RINT1: variants seen among roughly 807,000 people sequenced by gnomAD.
The protein encoded by RINT1 is RAD50 interactor 1, also known as RAD50-interacting protein 1.
A neutral mutation model predicts 97.7 loss-of-function variants in RINT1; 75 were observed. The ratio of observed to expected loss-of-function variants is 0.77; its 90% CI spans 0.64 to 0.93. The LOEUF is 0.93. Among genes scored for constraint, RINT1 ranks in the 40% least tolerant of loss-of-function variants. The pLI is 0.00. For synonymous variants in RINT1, 303 were observed against 326.3 expected, an observed-to-expected ratio of 0.93 and a Z score of 0.77; for missense variants, 892 against 925.2, an observed-to-expected ratio of 0.96 and a Z score of 0.47.
At chr7:105,555,412 C>T (rs1051712950) in intron 11 of RINT1, 185 bp downstream of exon 11, 8 of 470,988 alleles carry the variant, frequency 1.7e-5, no homozygotes, top group Non-Finnish European at 3.0e-5. Flanking sequence ...GTTAAATAGT[C>T]CTGATATTTT....
intron 14 of RINT1, among the ~76,000 whole-genome samples, chr7:105,566,114 C>G (rs1376798947): frequency 4.7e-5 from 1 of 21,316 alleles, no homozygotes; most frequent in Non-Finnish European, 1.2e-4. Context: ...ACTAAAAATA[C>G]CAAAAAAAAA....
intron 12 of RINT1, among the ~76,000 whole-genome samples, chr7:105,564,230 G>A (rs1562860712): frequency 6.6e-6 from 1 of 152,064 alleles, no homozygotes; most frequent in African/African-American, 2.4e-5. Flanking sequence ...CAGGACTACA[G>A]GCATGCACCA....
At chr7:105,545,262 G>A (rs1036617789) in intron 4 of RINT1, among the ~76,000 whole-genome samples, 4 of 151,132 alleles carry the variant, frequency 2.6e-5, no homozygotes, top group Non-Finnish European at 5.9e-5. Context: ...ACCAGTCTGG[G>A]CAACATGGCA....
intron 6 of RINT1, 115 bp from the exon 7 acceptor site, chr7:105,548,439 C>T (rs954564655): frequency 1.2e-6 from 1 of 854,884 alleles, no homozygotes; most frequent in African/African-American, 1.7e-5. Context: ...TCATAATTAA[C>T]TCTACTGAGT....
intron 4 of RINT1, among the ~76,000 whole-genome samples, chr7:105,542,856 T>C (rs568061942): frequency 6.6e-6 from 1 of 152,090 alleles, no homozygotes; most frequent in African/African-American, 2.4e-5. Context: ...AATTAGCATT[T>C]GAAAGAAGGT....
At chr7:105,554,433 T>C (rs911039333) in intron 10 of RINT1, among the ~76,000 whole-genome samples, 1 of 151,138 alleles carries the variant, frequency 6.6e-6, no homozygotes, top group Non-Finnish European at 1.5e-5. Flanking sequence ...TGTCATTTTT[T>C]TTTCTTTCTT....
intron 3 of RINT1, among the ~76,000 whole-genome samples, chr7:105,539,949 T>A (rs935684002): frequency 6.6e-6 from 1 of 152,244 alleles, no homozygotes; most frequent in Non-Finnish European, 1.5e-5. Flanking sequence ...CAGTGCCTGG[T>A]ACAGAATAAG....
chr7:105,554,955 C>T, intron 10 of RINT1, 73 bp from the exon 11 acceptor site: 1 of 1,145,818 alleles, frequency 8.7e-7, no homozygotes, highest in Non-Finnish European at 1.3e-6. Flanking sequence ...TGAAGCAGGA[C>T]AGTAGGGAAA....
intron 4 of RINT1, among the ~76,000 whole-genome samples, chr7:105,545,193 G>T (rs921051980): frequency 6.6e-6 from 1 of 151,860 alleles, no homozygotes; most frequent in Admixed American, 6.6e-5. Flanking sequence ...GGCTCATGCC[G>T]TAGTCCTAGC....
intron 9 of RINT1, among the ~76,000 whole-genome samples, chr7:105,550,847 T>C (rs1229440141): frequency 3.3e-5 from 5 of 152,040 alleles, no homozygotes; most frequent in African/African-American, 4.8e-5. Context: ...CTCCACCCCC[T>C]GCGTTCAAGC....
At position 105,550,148 on chromosome 7, in the gene RINT1, T is replaced by C; in HGVS notation, c.1090T>C (p.Ser364Pro). ...TCAGCCAATATTAGACAAAGTAGGC[T>C]CTTTGGTAAACGCAAGGGTAAGAGA... The part of the protein sequence containing the change: ...KIQPILDKVG[S>P]LVNARLEFSR... The change falls in exon 8 of 15, where the codon TCT becomes CCT. Residue 364 changes from serine (S) to proline (P), a missense_variant. Transcript: ENST00000257700. 7 of 1,613,326 alleles carry C rather than the reference T, an allele frequency of 4.3e-6. No individual in the cohort carries two copies. The highest frequency in any genetic ancestry group is 5.9e-6 in the Non-Finnish European group (7 of 1,179,330).
At chr7:105,537,985 G>T (rs1790313495) in intron 3 of RINT1, among the ~76,000 whole-genome samples, 1 of 151,850 alleles carries the variant, frequency 6.6e-6, no homozygotes, top group African/African-American at 2.4e-5. Context: ...GTTTGTCAAA[G>T]ATAAAACATT....
intron 8 of RINT1, 41 bp downstream of exon 8, chr7:105,550,206 A>G (rs1256027159): frequency 6.2e-7 from 1 of 1,602,266 alleles, no homozygotes. Flanking sequence ...TTAGAACTGT[A>G]TGTGTGCATG....
chr7:105,565,031 A>G (rs771190034), intron 12 of RINT1: 6 of 359,966 alleles, frequency 1.7e-5, no homozygotes, highest in African/African-American at 2.1e-5. Context: ...TAATTGCCTT[A>G]TATCAGTAAT....
chr7:105,567,086 A>G, intron 14 of RINT1, 33 bp from the exon 15 acceptor site: 7 of 1,336,232 alleles, frequency 5.2e-6, no homozygotes, highest in Non-Finnish European at 7.0e-6. Flanking sequence ...GATAATGGAG[A>G]TCTCATTTCC....
chr7:105,542,500 G>A lies in RINT1; in HGVS notation c.366G>A (p.Glu122=), dbSNP rs2133373348. Residue 122 remains glutamate, a synonymous_variant, in exon 4 of 15, where the codon GAG becomes GAA. Transcript: ENST00000257700. The part of the protein sequence containing the change: ...ESKQFLNQFL[E]QETHLFSAIN... ...AGCAATTTCTTAATCAGTTTCTGGA[G>A]CAGGAAACTCATCTCTTCAGCGCCA... is the stretch of plus-strand genomic sequence containing the variant. The A allele has an allele frequency of 6.2e-7, 1 of 1,613,968 alleles. No individual in the cohort carries two copies. Among genetic ancestry groups the A allele is most frequent in the Non-Finnish European group, 8.5e-7 (1 of 1,179,862 alleles).
intron 2 of RINT1, among the ~76,000 whole-genome samples, chr7:105,536,248 T>G (rs958977053): frequency 6.6e-6 from 1 of 152,132 alleles, no homozygotes; most frequent in South Asian, 2.1e-4. Context: ...AACCTCTGCC[T>G]CTTGGGTTCA....
At chr7:105,543,603 G>C (rs1790546330) in intron 4 of RINT1, among the ~76,000 whole-genome samples, 1 of 152,126 alleles carries the variant, frequency 6.6e-6, no homozygotes. Flanking sequence ...CTGCAGAGCT[G>C]TCAGCAACCA....
intron 2 of RINT1, chr7:105,535,637 C>G (rs933274819): frequency 4.4e-6 from 2 of 449,742 alleles, no homozygotes; most frequent in Non-Finnish European, 8.9e-6. Flanking sequence ...ACTGCAGCCT[C>G]CATCTCCCAG....
Sources: allele counts gnomAD v4.1 joint callset (sites outside exome capture counted in the v4.1 genomes callset), GRCh38; gene constraint gnomAD v4.1.1; transcripts MANE v1.5; gene names NCBI Gene and HGNC (gene_info 2026-07-23, HGNC 2026-07-21).